Variants in SLC35F1 observed in about 807,000 individuals in gnomAD.
SLC35F1 encodes solute carrier family 35 member F1, also known as chromosome 6 open reading frame 169.
In SLC35F1, 14 loss-of-function variants were observed where a neutral mutation model predicts 48.7. The observed-to-expected ratio is 0.29, with a 90% confidence interval of 0.19 to 0.45. SLC35F1 has a LOEUF of 0.45. Ranked by LOEUF, SLC35F1 falls within the 20% of genes least tolerant of loss-of-function variation. The pLI is 1.00. For missense variants in SLC35F1, 404 were observed against 500.0 expected (o/e 0.81, Z 1.83); for synonymous variants, 190 against 202.2 (o/e 0.94, Z 0.51).
intron 2 of SLC35F1, among the ~76,000 whole-genome samples, chr6:118,213,294 A>G (rs1282669467): frequency 2.0e-5 from 3 of 152,220 alleles, no homozygotes; most frequent in Non-Finnish European, 4.4e-5. Flanking sequence ...ATCACAAAAC[A>G]TTAAACTGAT....
At chr6:118,131,685 G>A (rs1249384902) in intron 1 of SLC35F1, among the ~76,000 whole-genome samples, 1 of 151,946 alleles carries the variant, frequency 6.6e-6, no homozygotes, top group Non-Finnish European at 1.5e-5. Flanking sequence ...CTACTTTCAT[G>A]AGTATAATTG....
intron 2 of SLC35F1, among the ~76,000 whole-genome samples, chr6:118,194,580 C>T (rs182739522): frequency 6.6e-6 from 1 of 152,198 alleles, no homozygotes; most frequent in East Asian, 1.9e-4. Flanking sequence ...CCTAAGGTAC[C>T]CCTCTTTATG....
At chr6:117,958,249 CTGT>C (rs1366567584) in intron 1 of SLC35F1, among the ~76,000 whole-genome samples, 2 of 151,980 alleles carry the variant, frequency 1.3e-5, no homozygotes, top group Non-Finnish European at 2.9e-5. Context: ...GTGTTTTAAA[CTGT>C]TATCACAAAA....
At chr6:118,095,150 G>A (rs774671899) in intron 1 of SLC35F1, among the ~76,000 whole-genome samples, 27 of 152,074 alleles carry the variant, frequency 1.8e-4, no homozygotes, top group Non-Finnish European at 3.1e-4. Context: ...AAGAGAAGGC[G>A]GATAATTGGC....
rs74571642 is a variant in SLC35F1 at position 118,266,988 on chromosome 6, C to T, written c.478-7C>T. 3.7e-6 allele frequency: 6 copies of T among 1,613,498 alleles called. No individual in the cohort carries two copies. The South Asian group carries it at 5.5e-5, about 15-fold the overall frequency. ...CTGTTGTTGTTTACCTTCATCCCTC[C>T]CAATAGCTCCTGGACTGTTTTGTGA... On this transcript the variant is annotated splice_polypyrimidine_tract_variant and splice_region_variant and intron_variant, in intron 3 of 7. Transcript: ENST00000360388.
intron 1 of SLC35F1, among the ~76,000 whole-genome samples, chr6:117,937,500 G>A (rs1776176016): frequency 1.3e-5 from 2 of 152,116 alleles, no homozygotes; most frequent in South Asian, 4.1e-4. Context: ...TTAAGGCATA[G>A]CAATCAAACA....
chr6:118,134,665 T>A (rs1773767373), intron 1 of SLC35F1, among the ~76,000 whole-genome samples: 1 of 152,228 alleles, frequency 6.6e-6, no homozygotes, highest in Non-Finnish European at 1.5e-5. Flanking sequence ...TGTCTTTGCT[T>A]CCTGAGTATG....
chr6:118,114,530 C>G (rs377667180), intron 1 of SLC35F1, among the ~76,000 whole-genome samples: 1 of 147,286 alleles, frequency 6.8e-6, no homozygotes, highest in African/African-American at 2.5e-5. Context: ...CCCGCCACCA[C>G]GCCCAGCTAT....
intron 1 of SLC35F1, among the ~76,000 whole-genome samples, chr6:118,090,152 C>T (rs1303056255): frequency 1.3e-5 from 2 of 152,206 alleles, no homozygotes; most frequent in African/African-American, 4.8e-5. Context: ...CATATTTTAA[C>T]ACCTCAAGGT....
intron 3 of SLC35F1, among the ~76,000 whole-genome samples, chr6:118,265,685 G>T (rs754478419): frequency 6.6e-6 from 1 of 152,202 alleles, no homozygotes; most frequent in Non-Finnish European, 1.5e-5. Context: ...AGATTTGAGA[G>T]ATGTTTGGAA....
chr6:118,165,285 C>T (rs538351038), intron 2 of SLC35F1, among the ~76,000 whole-genome samples: 1 of 152,312 alleles, frequency 6.6e-6, no homozygotes, highest in African/African-American at 2.4e-5. Context: ...GCTCTTCTCA[C>T]ATTTCCTCTC....
chr6:118,132,480 C>G, intron 1 of SLC35F1, among the ~76,000 whole-genome samples: 1 of 151,970 alleles, frequency 6.6e-6, no homozygotes, highest in South Asian at 2.1e-4. Flanking sequence ...CACTCTGTGC[C>G]TCAGTTTCCT....
chr6:118,178,835 A>G (rs1582714337), intron 2 of SLC35F1, among the ~76,000 whole-genome samples: 1 of 152,154 alleles, frequency 6.6e-6, no homozygotes, highest in South Asian at 2.1e-4. Context: ...AGGTTTAGCA[A>G]CTCAGTCTCT....
intron 1 of SLC35F1, among the ~76,000 whole-genome samples, chr6:118,085,183 A>G (rs933954692): frequency 6.6e-6 from 1 of 152,098 alleles, no homozygotes; most frequent in African/African-American, 2.4e-5. Context: ...GTCCACGTCA[A>G]AAGGGTCCTA....
chr6:118,091,876 G>C (rs1379147962), intron 1 of SLC35F1, among the ~76,000 whole-genome samples: 1 of 152,134 alleles, frequency 6.6e-6, no homozygotes, highest in Non-Finnish European at 1.5e-5. Context: ...GTTGGGAACT[G>C]GAGTAAAGGT....
chr6:118,041,247 G>T (rs1456639487), intron 1 of SLC35F1, among the ~76,000 whole-genome samples: 2 of 152,098 alleles, frequency 1.3e-5, no homozygotes, highest in Non-Finnish European at 2.9e-5. Context: ...GGGTTTCTCA[G>T]AATCCTTTTC....
In SLC35F1 at chr6:117,984,091, A is replaced by G. The variant is rs1487371070; in HGVS notation, c.173+76192A>G. 2.0e-5 allele frequency among the ~76,000 whole-genome samples: 3 copies of G among 152,170 alleles called. No individual in the cohort carries two copies. The East Asian group carries it at 5.8e-4, about 29-fold the overall frequency. On this transcript the variant is annotated intron_variant, in intron 1 of 7. Coordinates refer to ENST00000360388, the MANE Select transcript of SLC35F1 (RefSeq NM_001029858.4). ...CATTTACTTTGAAAAAACTCCTTAT[A>G]TATTTGATAGTAACACAACTATCAA... is the stretch of plus-strand genomic sequence containing the variant.
At chr6:118,085,027 TA>T (rs1772966286) in intron 1 of SLC35F1, among the ~76,000 whole-genome samples, 1 of 152,108 alleles carries the variant, frequency 6.6e-6, no homozygotes, top group Admixed American at 6.5e-5. Flanking sequence ...CGGTTGTAGG[TA>T]GCCTGGGTGG....
chr6:118,085,385 A>T lies in SLC35F1; in HGVS notation c.174-69060A>T, dbSNP rs570946967. ...AAAATAACATCCTTCTCACAAATTC[A>T]TTAGTAATGTCCTTTGCGCAAAGCC... On this transcript the variant is annotated intron_variant, in intron 1 of 7. Coordinates refer to ENST00000360388, the MANE Select transcript of SLC35F1 (RefSeq NM_001029858.4). Among the ~76,000 whole-genome samples, 29 of 151,470 alleles carry T rather than the reference A, an allele frequency of 1.9e-4. 2 individuals carry two copies. The South Asian group carries it at 5.8e-3, about 30-fold the overall frequency.
Sources: gnomAD v4.1 joint callset for allele counts (sites outside exome capture counted in the v4.1 genomes callset) on GRCh38, gnomAD v4.1.1 for gene constraint, MANE v1.5 for transcripts, NCBI Gene and HGNC (gene_info 2026-07-23, HGNC 2026-07-21) for gene names.